The following CRYBG3 variants were observed in gnomAD, a reference collection of about 807,000 sequenced individuals.
CRYBG3 encodes crystallin beta-gamma domain containing 3.
A neutral mutation model predicts 244.2 loss-of-function variants in CRYBG3; 127 were observed. The ratio of observed to expected loss-of-function variants is 0.52; its 90% CI spans 0.45 to 0.60. The LOEUF (loss-of-function observed/expected upper bound fraction) is 0.60, where lower values mean the gene tolerates loss of function less well. Ranked by LOEUF, CRYBG3 falls within the 20% of genes least tolerant of loss-of-function variation. The pLI is 0.00. For synonymous variants in CRYBG3, 1,132 were observed against 1,195.8 expected (o/e 0.95, Z 1.10); for missense variants, 3,325 against 3,442.5 (o/e 0.97, Z 0.85).
At chr3:97,882,262 A>G (rs1049595489) in intron 7 of CRYBG3, among the ~76,000 whole-genome samples, 5 of 152,106 alleles carry the variant, frequency 3.3e-5, no homozygotes, top group African/African-American at 1.2e-4. Flanking sequence ...ACTCCTAATT[A>G]GTATACACTG....
At chr3:97,846,880 TA>T (rs1389412254) in intron 2 of CRYBG3, among the ~76,000 whole-genome samples, 11 of 152,094 alleles carry the variant, frequency 7.2e-5, no homozygotes, top group Admixed American at 5.9e-4. Flanking sequence ...TGCATTGCTA[TA>T]AAAAAATACC....
At position 97,874,961 on chromosome 3, in the gene CRYBG3, T is replaced by A. The variant is rs1441424982; in HGVS notation, c.3767T>A (p.Ile1256Lys). The A allele has an allele frequency of 9.8e-6, 15 of 1,535,680 alleles. No homozygotes were observed. The highest frequency in any genetic ancestry group is 1.3e-5 in the Non-Finnish European group (15 of 1,146,822). ...CCATCAGAAGTGACACTAACAGAAA[T>A]ACAACAGACAGAGGGTTTGGAAGAG... The part of the protein sequence containing the change: ...KNPSEVTLTE[I>K]QQTEGLEEQG... Residue 1256 changes from isoleucine (I) to lysine (K), a missense_variant, in exon 4 of 22, where the codon ATA becomes AAA. Around this residue, in one of 4 missense-constraint regions of CRYBG3, gnomAD observed 635 missense variants for 771.7 expected, o/e 0.82. Coordinates refer to ENST00000389622, the MANE Select transcript of CRYBG3 (RefSeq NM_153605.4).
chr3:97,874,939 T>C lies in CRYBG3; in HGVS notation c.3745T>C (p.Ser1249Pro). Residue 1249 changes from serine to proline, a missense_variant, in exon 4 of 22, where the codon TCA (serine) becomes CCA (proline). By Grantham distance (74) the Ser-to-Pro change is moderately conservative. Transcript: ENST00000389622. ...LKEDISEKNPSEVTLTEIQQT... is the reference protein window; with the variant it reads ...LKEDISEKNPPEVTLTEIQQT... ...AGAAGACATCTCTGAGAAAAACCCA[T>C]CAGAAGTGACACTAACAGAAATACA... 1 of 1,535,640 alleles carries C rather than the reference T, an allele frequency of 6.5e-7. No homozygotes were observed. The highest frequency in any genetic ancestry group is 8.7e-7 in the Non-Finnish European group (1 of 1,146,758).
At chr3:97,883,799 T>G (rs2039477451) in intron 7 of CRYBG3, among the ~76,000 whole-genome samples, 1 of 152,216 alleles carries the variant, frequency 6.6e-6, no homozygotes, top group South Asian at 2.1e-4. Context: ...TGCTTCCTTT[T>G]TCCAACGTTG....
intron 1 of CRYBG3, among the ~76,000 whole-genome samples, chr3:97,842,247 T>C (rs1213539184): frequency 6.6e-6 from 1 of 152,090 alleles, no homozygotes; most frequent in Non-Finnish European, 1.5e-5. Flanking sequence ...AACAGGATAA[T>C]GTTTGAACAG....
intron 11 of CRYBG3, among the ~76,000 whole-genome samples, chr3:97,894,805 ATTGT>A (rs1167478479): frequency 7.9e-5 from 12 of 152,274 alleles, no homozygotes; most frequent in African/African-American, 2.9e-4. Flanking sequence ...TTTTCATATA[ATTGT>A]TTAAGAATAA....
Position 97,874,696 on chromosome 3 carries a change from G to T in CRYBG3, c.3502G>T (p.Gly1168Cys). Residue 1168 changes from glycine to cysteine, a missense_variant, in exon 4 of 22, where the codon GGC (glycine) becomes TGC (cysteine). Physicochemically the swap from Gly to Cys is radical, Grantham distance 159. Transcript: ENST00000389622. ...AGPAASVNSS[G>C]QQCSEASAEH... is the part of the protein sequence containing the mutation. ...GCCTGCAGCGTCAGTTAACAGCTCA[G>T]GCCAACAGTGTTCTGAAGCCTCTGC... The T allele has an allele frequency of 6.5e-7, 1 of 1,535,832 alleles. No individual in the cohort carries two copies. The highest frequency in any genetic ancestry group is 8.7e-7 in the Non-Finnish European group (1 of 1,146,780).
chr3:97,923,893 C>T (rs188150731), intron 17 of CRYBG3, among the ~76,000 whole-genome samples: 6 of 152,118 alleles, frequency 3.9e-5, no homozygotes, highest in Admixed American at 3.9e-4. Context: ...TTGTTTCAGG[C>T]AAAACACAGT....
chr3:97,888,537 A>G (rs1216795713), intron 9 of CRYBG3, 82 bp downstream of exon 9: 5 of 872,376 alleles, frequency 5.7e-6, no homozygotes, highest in East Asian at 2.6e-5. Context: ...TTGCTCATGC[A>G]TCTCAATCTC....
chr3:97,879,933 C>T (rs1446150593), intron 5 of CRYBG3, 52 bp from the exon 6 acceptor site: 1 of 1,041,262 alleles, frequency 9.6e-7, no homozygotes, highest in African/African-American at 1.6e-5. Context: ...ATTTAAAATA[C>T]ATTCTAAAAA....
intron 10 of CRYBG3, among the ~76,000 whole-genome samples, chr3:97,891,695 G>A (rs1415663188): frequency 1.3e-5 from 2 of 151,976 alleles, no homozygotes; most frequent in African/African-American, 4.8e-5. Context: ...GTTAAGATTA[G>A]GGGAAAAAAA....
intron 7 of CRYBG3, among the ~76,000 whole-genome samples, chr3:97,885,237 T>C (rs1029929032): frequency 6.6e-6 from 1 of 152,194 alleles, no homozygotes; most frequent in Non-Finnish European, 1.5e-5. Context: ...GAAAATGAGA[T>C]GTATAAACTT....
chr3:97,931,442 C>T (rs1342721873), intron 17 of CRYBG3, among the ~76,000 whole-genome samples: 1 of 152,068 alleles, frequency 6.6e-6, no homozygotes, highest in Admixed American at 6.6e-5. Flanking sequence ...CATCATCGCC[C>T]ACCTGTGTAT....
At chr3:97,823,072 T>A (rs187098825) in intron 1 of CRYBG3, among the ~76,000 whole-genome samples, 117 of 152,276 alleles carry the variant, frequency 7.7e-4, no homozygotes, top group Admixed American at 1.3e-3. Context: ...GTTTCAGTAA[T>A]CAAAATGTAC....
At position 97,881,225 on chromosome 3, in the gene CRYBG3, A is replaced by C. The variant is rs749360462; in HGVS notation, c.7152+6A>C. ...CTCTCAAACGTGTCTTAAAGGTAAC[A>C]ACTGTAGATTTTTCTATTTTTTATT... On this transcript the variant is annotated splice_donor_region_variant and intron_variant, in intron 7 of 21. Transcript: ENST00000389622. The C allele has an allele frequency of 6.4e-7, 1 of 1,568,850 alleles. No individual in the cohort carries two copies. The highest frequency in any genetic ancestry group is 8.6e-7 in the Non-Finnish European group (1 of 1,159,640).
At chr3:97,908,902 T>C (rs905196428) in intron 15 of CRYBG3, among the ~76,000 whole-genome samples, 6 of 152,304 alleles carry the variant, frequency 3.9e-5, no homozygotes, top group African/African-American at 1.4e-4. Flanking sequence ...TTCCTTTCCA[T>C]GTTTAGCGCT....
chr3:97,875,216 C>T lies in CRYBG3; in HGVS notation c.4022C>T (p.Ser1341Leu), dbSNP rs1277922378. Reference sequence around the variant, plus strand: ...GATTCTGAACTTCAGGCTAATACTTCAAAAATTCTGAACAGTGATAGTGTT... The same window carrying T: ...GATTCTGAACTTCAGGCTAATACTTTAAAAATTCTGAACAGTGATAGTGTT... ...TWDSELQANT[S>L]KILNSDSVKP... Residue 1341 changes from serine (S) to leucine (L), a missense_variant, in exon 4 of 22, where the codon TCA becomes TTA. By Grantham distance (145) the Ser-to-Leu change is moderately radical (BLOSUM62 -2). Coordinates refer to ENST00000389622, the MANE Select transcript of CRYBG3 (RefSeq NM_153605.4). The T allele has an allele frequency of 6.5e-7, 1 of 1,531,810 alleles. No individual in the cohort carries two copies. Among genetic ancestry groups the T allele is most frequent in the Non-Finnish European group, 8.7e-7 (1 of 1,145,532 alleles). The allele number at this position is 1,531,810 out of a possible 1,614,324, so 94.9% of individuals were successfully genotyped here.
intron 15 of CRYBG3, among the ~76,000 whole-genome samples, chr3:97,906,810 C>T (rs2039780160): frequency 6.6e-6 from 1 of 152,104 alleles, no homozygotes; most frequent in Non-Finnish European, 1.5e-5. Flanking sequence ...GAGAGGGCAT[C>T]CCTGTCATGT....
rs147308479 is a variant in CRYBG3 at position 97,877,793 on chromosome 3, C to T, written c.6599C>T (p.Pro2200Leu). 8.0e-4 allele frequency: 1,289 copies of T among 1,614,018 alleles called. 13 individuals are homozygous for T. In the African/African-American group the frequency reaches 0.015, roughly 19 times the overall value. Reference protein sequence around the residue: ...VGISKNSYVMPNEPTTSNLQV... With the variant: ...VGISKNSYVMLNEPTTSNLQV... ...ATTTCTAAGAATTCATATGTGATGC[C>T]AAATGAACCTACTACCTCCAATCTG... The change falls in exon 4 of 22, where the codon CCA becomes CTA. Residue 2200 changes from proline to leucine, a missense_variant. Around this residue, in one of 4 missense-constraint regions of CRYBG3, gnomAD observed 450 missense variants for 424.1 expected, o/e 1.06. Coordinates refer to ENST00000389622, the MANE Select transcript of CRYBG3 (RefSeq NM_153605.4).
Sources: gnomAD v4.1 joint callset for allele counts (sites outside exome capture counted in the v4.1 genomes callset) on GRCh38, gnomAD v4.1.1 for gene constraint, gnomAD v4.1.1 regional missense constraint, MANE v1.5 for transcripts, NCBI Gene and HGNC (gene_info 2026-07-23, HGNC 2026-07-21) for gene names.